PRRC2A: variants seen among roughly 807,000 people sequenced by gnomAD.
PRRC2A encodes the protein protein PRRC2A.
In PRRC2A, 59 loss-of-function variants were observed where a neutral mutation model predicts 224.6. The ratio of observed to expected loss-of-function variants is 0.26; its 90% CI spans 0.21 to 0.33. The LOEUF (loss-of-function observed/expected upper bound fraction) is 0.33, where lower values mean the gene tolerates loss of function less well. PRRC2A is among the 10% of genes least tolerant of loss of function. PRRC2A has a pLI of 1.00. For missense variants in PRRC2A, 3,095 were observed against 2,880.7 expected (o/e 1.07, Z -1.70); for synonymous variants, 1,194 against 1,109.5 (o/e 1.08, Z -1.51).
At chr6:31,635,909 G>C in intron 24 of PRRC2A, 58 bp from the exon 25 acceptor site, 1 of 1,501,128 alleles carries the variant, frequency 6.7e-7, no homozygotes, top group African/African-American at 1.4e-5. Context: ...GTGGGATGGT[G>C]ATCTTTTTTC....
Position 31,632,363 on chromosome 6 carries a change from C to T in PRRC2A, c.3690C>T (p.Ser1230=), listed in dbSNP as rs1321504609. 2 of 1,613,100 alleles carry T rather than the reference C, an allele frequency of 1.2e-6. No homozygotes were observed. Among genetic ancestry groups the T allele is most frequent in the African/African-American group, 1.3e-5 (1 of 74,924 alleles). ...CGCGCGGAGGCAGCAATGGAGGTAG[C>T]AATGTGGGCATGGAAGATGGGGAGC... ...PVARGGSNGG[S]NVGMEDGERP... The change falls in exon 16 of 31, where the codon AGC becomes AGT. Residue 1230 remains serine (S), a synonymous_variant. Coordinates refer to ENST00000376033, the MANE Select transcript of PRRC2A (RefSeq NM_004638.4).
chr6:31,632,011 A>G lies in PRRC2A; in HGVS notation c.3338A>G (p.His1113Arg), dbSNP rs1294674155. 1.1e-5 allele frequency: 18 copies of G among 1,609,348 alleles called. No homozygotes were observed. Among genetic ancestry groups the G allele is most frequent in the Non-Finnish European group, 1.5e-5 (18 of 1,177,726 alleles). Residue 1113 changes from histidine to arginine, a missense_variant, in exon 16 of 31, where the codon CAT becomes CGT. Around this residue, in one of 8 missense-constraint regions of PRRC2A, gnomAD observed 2,001 missense variants for 1,764.9 expected, o/e 1.13. Transcript: ENST00000376033. ...GGCTCAGAAACAGGCAGCGAGACCC[A>G]TGAGAGTGATCTGGCTCCTTCAGAC... is the stretch of plus-strand genomic sequence containing the variant. ...QRGSETGSET[H>R]ESDLAPSDKE...
chr6:31,632,786 A>T lies in PRRC2A; in HGVS notation c.4113A>T (p.Gly1371=). ...AVPGISAMSR[G]DLSQRAKDLS... is the part of the protein sequence containing the mutation. ...CAGGTATTTCAGCCATGTCCCGCGG[A>T]GATCTGAGCCAGAGAGCCAAGGATT... The change falls in exon 16 of 31, where the codon GGA becomes GGT. Residue 1371 remains glycine, a synonymous_variant. Transcript: ENST00000376033. 1 of 1,613,102 alleles carries T rather than the reference A, an allele frequency of 6.2e-7. No individual in the cohort carries two copies. Among genetic ancestry groups the T allele is most frequent in the Non-Finnish European group, 8.5e-7 (1 of 1,179,998 alleles).
rs1258696774 is a variant in PRRC2A at position 31,628,155 on chromosome 6, C to T, written c.1681C>T (p.Pro561Ser). The change falls in exon 12 of 31, where the codon CCA becomes TCA. Residue 561 changes from proline to serine, a missense_variant. This residue lies in a region of PRRC2A where 2,001 missense variants were observed against 1,764.9 expected (regional missense o/e 1.13). Coordinates refer to ENST00000376033, the MANE Select transcript of PRRC2A (RefSeq NM_004638.4). ...CCCTCCTGCCCAATCTACTCCTACT[C>T]CAGGTGTGGCTGCGGCTCCCACTCT... ...QAPPAQSTPTPGVAAAPTLVS... is the reference protein window; with the variant it reads ...QAPPAQSTPTSGVAAAPTLVS... The T allele has an allele frequency of 2.5e-6, 4 of 1,613,136 alleles. No homozygotes were observed. The highest frequency in any genetic ancestry group is 3.4e-6 in the Non-Finnish European group (4 of 1,180,038).
At position 31,637,153 on chromosome 6, in the gene PRRC2A, A is replaced by G. The variant is rs1376875007; in HGVS notation, c.6242+17A>G. 1.2e-6 allele frequency: 2 copies of G among 1,610,330 alleles called. No individual in the cohort carries two copies. On this transcript the variant is annotated intron_variant, in intron 29 of 30. Transcript: ENST00000376033. ...AACTGGAAGGTGAAACGGAATAGGG[A>G]TGTGGACTTTCCAAGTGCTTCCTTA...
rs1282919936 is a variant in PRRC2A at position 31,636,504 on chromosome 6, C to T, written c.5836-6C>T. On this transcript the variant is annotated splice_polypyrimidine_tract_variant and splice_region_variant and intron_variant, in intron 26 of 30. Transcript: ENST00000376033. This position sits in a 1 kb window ranked among gnomAD's most constrained non-coding sequence, Gnocchi z 4.3. ...GGTTGATATATTTCTCCCTGTTTCC[C>T]GACAGGTACGCCAGGATCTGCCATC... The T allele has an allele frequency of 7.5e-6, 12 of 1,608,600 alleles. No individual in the cohort carries two copies. Among genetic ancestry groups the T allele is most frequent in the Middle Eastern group, 1.6e-4 (1 of 6,066 alleles).
chr6:31,621,218 G>A (rs1775243058), intron 1 of PRRC2A, among the ~76,000 whole-genome samples: 1 of 151,548 alleles, frequency 6.6e-6, no homozygotes, highest in Non-Finnish European at 1.5e-5. Context: ...GTGGTGGTGG[G>A]CCGCGCCCGA....
rs756729738 is a variant in PRRC2A at position 31,622,821 on chromosome 6, G to C, written c.32G>C (p.Gly11Ala). ...GATCGCTCGGGGCCGACTGCCAAGG[G>C]AAAGGATGGAAAGAAGTATTCCTCG... MSDRSGPTAKGKDGKKYSSLN... is the reference protein window; with the variant it reads MSDRSGPTAKAKDGKKYSSLN... Residue 11 changes from glycine (G) to alanine (A), a missense_variant, in exon 2 of 31, where the codon GGA (glycine) becomes GCA (alanine). This residue lies in a region of PRRC2A where 64 missense variants were observed against 68.2 expected (regional missense o/e 0.94). Transcript: ENST00000376033. 23 of 1,613,958 alleles carry C rather than the reference G, an allele frequency of 1.4e-5. No homozygotes were observed. The highest frequency in any genetic ancestry group is 1.9e-5 in the Non-Finnish European group (22 of 1,180,020).
At chr6:31,633,198 A>G (rs1776880468) in intron 16 of PRRC2A, among the ~76,000 whole-genome samples, 181 bp from the exon 17 acceptor site, 1 of 152,212 alleles carries the variant, frequency 6.6e-6, no homozygotes, top group South Asian at 2.1e-4. Flanking sequence ...CTATGTATTC[A>G]TTGCTGGTTC....
At chr6:31,630,850 G>T in intron 15 of PRRC2A, 49 bp downstream of exon 15, 2 of 1,591,896 alleles carry the variant, frequency 1.3e-6, no homozygotes. Flanking sequence ...AAAGGATCTA[G>T]GCCTGGGAGA....
rs1775798600 is a variant in PRRC2A at position 31,625,474 on chromosome 6, A to G, written c.622A>G (p.Arg208Gly). 1 of 1,593,426 alleles carries G rather than the reference A, an allele frequency of 6.3e-7. No individual in the cohort carries two copies. Among genetic ancestry groups the G allele is most frequent in the Non-Finnish European group, 8.6e-7 (1 of 1,165,880 alleles). The change falls in exon 7 of 31, where the codon AGG becomes GGG. Residue 208 changes from arginine to glycine, a missense_variant. By Grantham distance (125) the Arg-to-Gly change is moderately radical (BLOSUM62 -2). Transcript: ENST00000376033. The surrounding 1 kb of genome is among the most constrained non-coding windows in gnomAD (Gnocchi z 4.1). ...SLRPQNSTTW[R>G]DGGGRGPDEL... ...CCAAAATACAGATTCTACAACTTGG[A>G]GGGACGGAGGTGGGCGTGGCCCTGA... is the stretch of plus-strand genomic sequence containing the variant.
chr6:31,624,668 GT>G (rs2150496667), intron 5 of PRRC2A, 146 bp downstream of exon 5: 1 of 909,844 alleles, frequency 1.1e-6, no homozygotes, highest in Non-Finnish European at 1.7e-6. Flanking sequence ...ACATGAGCAA[GT>G]TTAAGTCTCA....
chr6:31,630,943 C>G, intron 15 of PRRC2A, 142 bp downstream of exon 15: 1 of 1,285,204 alleles, frequency 7.8e-7, no homozygotes, highest in South Asian at 1.5e-5. Context: ...GTAATCCCAG[C>G]ATTTTGGGAG....
Position 31,633,375 on chromosome 6 carries a change from C to T in PRRC2A, c.4320-4C>T. On this transcript the variant is annotated splice_polypyrimidine_tract_variant and splice_region_variant and intron_variant, in intron 16 of 30. Coordinates refer to ENST00000376033, the MANE Select transcript of PRRC2A (RefSeq NM_004638.4). Reference sequence around the variant, plus strand: ...TACTGGAGCTAATGCTCTGTTTTCTCCAGTCGTCCTCCAGAGGAGCGTCCC... The same window carrying T: ...TACTGGAGCTAATGCTCTGTTTTCTTCAGTCGTCCTCCAGAGGAGCGTCCC... 6.2e-7 allele frequency: 1 copy of T among 1,611,164 alleles called. No homozygotes were observed. Among genetic ancestry groups the T allele is most frequent in the East Asian group, 2.2e-5 (1 of 44,868 alleles).
rs766646392 is a variant in PRRC2A, at chr6:31,632,138, C to G, written c.3465C>G (p.Ala1155=). The part of the protein sequence containing the change: ...PPSPAPARFT[A]RGGRVFTPRG... The stretch of plus-strand genomic sequence containing the variant: ...CACCAGCCCCAGCCCGCTTCACTGC[C>G]CGGGGTGGGCGAGTCTTCACTCCCA... Residue 1155 remains alanine (A), a synonymous_variant, in exon 16 of 31, where the codon GCC becomes GCG. Coordinates refer to ENST00000376033, the MANE Select transcript of PRRC2A (RefSeq NM_004638.4). The G allele has an allele frequency of 2.6e-6, 4 of 1,562,420 alleles. No homozygotes were observed. In the African/African-American group the frequency reaches 4.1e-5, roughly 16 times the overall value.
rs958189284 is a variant in PRRC2A, at chr6:31,625,034, G to A, written c.464-137G>A. The stretch of plus-strand genomic sequence containing the variant: ...AGGATGGTCTCGATCTCTTGACCTC[G>A]TGATCCGCCCGCCTCAGCCTCCCAG... On this transcript the variant is annotated intron_variant, in intron 5 of 30. Transcript: ENST00000376033. This position sits in a 1 kb window ranked among gnomAD's most constrained non-coding sequence, Gnocchi z 4.1. 1.7e-4 allele frequency: 163 copies of A among 970,758 alleles called. No homozygotes were observed. The highest frequency in any genetic ancestry group is 2.4e-4 in the Non-Finnish European group (158 of 646,000). 60.1% of individuals were successfully genotyped at this position (970,758 alleles called of 1,614,324 possible).
chr6:31,631,468 G>A lies in PRRC2A; in HGVS notation c.2795G>A (p.Ser932Asn). The A allele has an allele frequency of 6.2e-7, 1 of 1,610,260 alleles. No individual in the cohort carries two copies. Among genetic ancestry groups the A allele is most frequent in the East Asian group, 2.2e-5 (1 of 44,720 alleles). ...ACCCGCTGGGGCCCTCGTCCAGGGA[G>A]CAGTCGTCGTGGAATCCCTCCAGAG... ...TETRWGPRPGSSRRGIPPEEP... is the reference protein window; with the variant it reads ...TETRWGPRPGNSRRGIPPEEP... Residue 932 changes from serine to asparagine, a missense_variant, in exon 16 of 31, where the codon AGC (serine) becomes AAC (asparagine). This residue lies in a region of PRRC2A where 2,001 missense variants were observed against 1,764.9 expected (regional missense o/e 1.13). Coordinates refer to ENST00000376033, the MANE Select transcript of PRRC2A (RefSeq NM_004638.4). The surrounding 1 kb of genome is among the most constrained non-coding windows in gnomAD (Gnocchi z 4.5).
intron 23 of PRRC2A, 43 bp downstream of exon 23, chr6:31,635,508 G>A (rs775462996): frequency 1.9e-6 from 3 of 1,612,066 alleles, no homozygotes; most frequent in South Asian, 2.2e-5. Context: ...CAAGATTTCT[G>A]GGGAAGATTG....
At chr6:31,622,332 T>G (rs909520442) in intron 1 of PRRC2A, among the ~76,000 whole-genome samples, 7 of 152,230 alleles carry the variant, frequency 4.6e-5, no homozygotes, top group African/African-American at 1.7e-4. Flanking sequence ...TGGAATTGTA[T>G]GCTTCTTTTT....
Sources: allele counts gnomAD v4.1 joint callset (sites outside exome capture counted in the v4.1 genomes callset), GRCh38; gene constraint gnomAD v4.1.1; regional missense constraint gnomAD v4.1.1; non-coding constraint Gnocchi (gnomAD v3.1); transcripts MANE v1.5; gene names NCBI Gene and HGNC (gene_info 2026-07-23, HGNC 2026-07-21).